The following ANK3 variants were observed in gnomAD, a reference collection of about 807,000 sequenced individuals.
The protein encoded by ANK3 is ankyrin-3.
A neutral mutation model predicts 370.9 loss-of-function variants in ANK3; 57 were observed. The observed-to-expected ratio is 0.15, with a 90% confidence interval of 0.12 to 0.19. ANK3 has a LOEUF of 0.19. ANK3 is among the 10% of genes least tolerant of loss of function. ANK3 has a pLI of 1.00. For synonymous variants in ANK3, 1,929 were observed against 1,946.3 expected (o/e 0.99, Z 0.23); for missense variants, 4,439 against 5,302.1 (o/e 0.84, Z 5.06).
At chr10:60,420,281 G>A (rs751587912) in intron 2 of ANK3, among the ~76,000 whole-genome samples, 11 of 151,982 alleles carry the variant, frequency 7.2e-5, no homozygotes, top group Non-Finnish European at 1.3e-4. Context: ...GAATAAAGTG[G>A]CTCCCAAATC....
intron 2 of ANK3, among the ~76,000 whole-genome samples, chr10:60,399,004 T>C (rs962126548): frequency 6.6e-6 from 1 of 152,210 alleles, no homozygotes; most frequent in Non-Finnish European, 1.5e-5. Context: ...GTAGAGCACA[T>C]AAATTACTTC....
intron 1 of ANK3, among the ~76,000 whole-genome samples, chr10:60,688,184 C>T (rs921320130): frequency 6.6e-6 from 1 of 152,082 alleles, no homozygotes; most frequent in Non-Finnish European, 1.5e-5. Flanking sequence ...ATTCTCATGC[C>T]TCAGCCTCCC....
chr10:60,114,028 CA>C (rs10534749), intron 26 of ANK3, among the ~76,000 whole-genome samples, 196 bp downstream of exon 26: 20 of 150,890 alleles, frequency 1.3e-4, no homozygotes, highest in South Asian at 2.1e-4. Flanking sequence ...AAATTTTTCT[CA>C]AAAAAAAAAC....
chr10:60,184,293 C>T (rs1005944714), intron 17 of ANK3, among the ~76,000 whole-genome samples: 1 of 152,146 alleles, frequency 6.6e-6, no homozygotes, highest in Non-Finnish European at 1.5e-5. Flanking sequence ...TCAGGAAAAA[C>T]TGACAAAAAC....
intron 18 of ANK3, among the ~76,000 whole-genome samples, chr10:60,179,386 T>C (rs2096075475): frequency 6.6e-6 from 1 of 152,182 alleles, no homozygotes; most frequent in African/African-American, 2.4e-5. Flanking sequence ...CTGCCAGATA[T>C]CATACGGGGT....
intron 5 of ANK3, among the ~76,000 whole-genome samples, chr10:60,264,873 C>T (rs1197357860): frequency 6.6e-6 from 1 of 152,058 alleles, no homozygotes; most frequent in African/African-American, 2.4e-5. Context: ...GTCTCTAGAG[C>T]TAAGAGAAAG....
chr10:60,124,329 TTTTA>T (rs2093648283), intron 25 of ANK3, among the ~76,000 whole-genome samples: 1 of 138,514 alleles, frequency 7.2e-6, no homozygotes, highest in Admixed American at 7.4e-5. Context: ...GCCCAGCTGA[TTTTA>T]TTTTATTTTT....
At chr10:60,042,044 A>G (rs2076190082) in intron 43 of ANK3, among the ~76,000 whole-genome samples, 1 of 152,246 alleles carries the variant, frequency 6.6e-6, no homozygotes, top group African/African-American at 2.4e-5. Flanking sequence ...AAGTAGAAAT[A>G]AATAGGACAA....
intron 1 of ANK3, among the ~76,000 whole-genome samples, chr10:60,709,046 A>G (rs898141944): frequency 3.9e-5 from 6 of 152,174 alleles, no homozygotes; most frequent in African/African-American, 1.4e-4. Context: ...TGCCTTGTAC[A>G]CAATTCATTG....
Position 60,389,530 on chromosome 10 carries a change from A to G in ANK3, c.9T>C (p.His3=), listed in dbSNP as rs2062909328. The change falls in exon 1 of 44, where the codon CAT becomes CAC. Residue 3 remains histidine, a synonymous_variant. Coordinates refer to ENST00000280772, the MANE Select transcript of ANK3 (RefSeq NM_020987.5). The part of the protein sequence containing the change: MA[H]AASQLKKNRD... ...TGTTTTTCTTTAATTGTGAGGCTGCATGAGCCATAATGCATTTAAAAAGAT... is the reference window on the plus strand; with the variant it reads ...TGTTTTTCTTTAATTGTGAGGCTGCGTGAGCCATAATGCATTTAAAAAGAT... 1.9e-6 allele frequency: 3 copies of G among 1,613,606 alleles called. No individual in the cohort carries two copies. Among genetic ancestry groups the G allele is most frequent in the African/African-American group, 1.3e-5 (1 of 74,816 alleles).
chr10:60,418,498 G>A (rs2063714917), intron 2 of ANK3, among the ~76,000 whole-genome samples: 1 of 151,646 alleles, frequency 6.6e-6, no homozygotes, highest in African/African-American at 2.4e-5. Flanking sequence ...AGGAAAAGTG[G>A]GTTTTATTCA....
At chr10:60,150,097 C>T (rs2095037035) in intron 23 of ANK3, among the ~76,000 whole-genome samples, 1 of 152,126 alleles carries the variant, frequency 6.6e-6, no homozygotes, top group South Asian at 2.1e-4. Context: ...GGTTTTTTCC[C>T]CTTCATCCTT....
chr10:60,617,268 T>C (rs2078279183), intron 1 of ANK3, among the ~76,000 whole-genome samples: 1 of 152,132 alleles, frequency 6.6e-6, no homozygotes, highest in Admixed American at 6.6e-5. Context: ...TAGCTACTTA[T>C]GCTTGTCCTC....
At chr10:60,713,328 T>C (rs1314285992) in intron 1 of ANK3, among the ~76,000 whole-genome samples, 1 of 152,000 alleles carries the variant, frequency 6.6e-6, no homozygotes, top group African/African-American at 2.4e-5. Context: ...CTCAGCATAA[T>C]TGGACATTAA....
intron 2 of ANK3, among the ~76,000 whole-genome samples, chr10:60,417,983 TA>T (rs999225826): frequency 2.0e-4 from 31 of 151,372 alleles, no homozygotes; most frequent in Admixed American, 2.0e-3. Flanking sequence ...CAAGAAAAGT[TA>T]CCACCTACTA....
In ANK3 at chr10:60,258,078, C is replaced by T. The variant is rs529233193; in HGVS notation, c.798+3781G>A. Among the ~76,000 whole-genome samples the T allele has an allele frequency of 1.2e-4, 19 of 152,330 alleles. No homozygotes were observed. The South Asian group carries it at 3.7e-3, about 30-fold the overall frequency. ...CATAATACAATTTGGCCTTTTGTTA[C>T]TCTAGTGCACAAATGCTCCTTACTG... is the stretch of plus-strand genomic sequence containing the variant. On this transcript the variant is annotated intron_variant, in intron 7 of 43. Transcript: ENST00000280772.
chr10:60,647,301 A>G (rs2078721859), intron 1 of ANK3, among the ~76,000 whole-genome samples: 1 of 152,202 alleles, frequency 6.6e-6, no homozygotes, highest in South Asian at 2.1e-4. Flanking sequence ...TTGAAAATAT[A>G]CTTTTCTAAA....
chr10:60,188,527 T>C (rs2096401456), intron 16 of ANK3, among the ~76,000 whole-genome samples: 1 of 152,224 alleles, frequency 6.6e-6, no homozygotes, highest in Admixed American at 6.5e-5. Flanking sequence ...CACAATCTTT[T>C]TGAGCCATGT....
chr10:60,198,791 C>G (rs1379866446), intron 13 of ANK3, among the ~76,000 whole-genome samples: 2 of 152,016 alleles, frequency 1.3e-5, no homozygotes, highest in African/African-American at 4.8e-5. Context: ...AAATTACACC[C>G]CACCCACACC....
Sources: allele counts gnomAD v4.1 joint callset (sites outside exome capture counted in the v4.1 genomes callset), GRCh38; gene constraint gnomAD v4.1.1; transcripts MANE v1.5; gene names NCBI Gene and HGNC (gene_info 2026-07-23, HGNC 2026-07-21).